The following EYS variants were observed in gnomAD, a reference collection of about 807,000 sequenced individuals.
EYS encodes the protein EGF-like photoreceptor maintenance factor, also known as protein eyes shut homolog.
In EYS, 250 loss-of-function variants were observed where a neutral mutation model predicts 282.1. The observed-to-expected ratio is 0.89, with a 90% confidence interval of 0.80 to 0.98. The LOEUF is 0.98. Ranked by LOEUF, EYS falls within the 50% of genes least tolerant of loss-of-function variation. EYS has a pLI of 0.00. For synonymous variants in EYS, 1,355 were observed against 1,282.9 expected, an observed-to-expected ratio of 1.06 and a Z score of -1.20; for missense variants, 4,016 against 3,709.0, an observed-to-expected ratio of 1.08 and a Z score of -2.15.
chr6:65,363,845 T>C (rs6921131), intron 8 of EYS, among the ~76,000 whole-genome samples: 101,403 of 150,828 alleles, frequency 0.67, 34,149 homozygotes, highest in South Asian at 0.71. Flanking sequence ...TTATAATTTT[T>C]TAATATCATT....
intron 33 of EYS, among the ~76,000 whole-genome samples, chr6:64,018,311 A>T (rs1768993438): frequency 6.6e-6 from 1 of 152,190 alleles, no homozygotes; most frequent in African/African-American, 2.4e-5. Flanking sequence ...CTCAGATTGG[A>T]TTCATAATAG....
chr6:64,830,625 A>G (rs970547752), intron 19 of EYS, among the ~76,000 whole-genome samples: 4 of 151,906 alleles, frequency 2.6e-5, no homozygotes, highest in South Asian at 4.1e-4. Context: ...CAGTACCAAG[A>G]TCAACTTTGG....
chr6:64,390,046 G>A (rs527390166), intron 28 of EYS, among the ~76,000 whole-genome samples: 17 of 151,482 alleles, frequency 1.1e-4, no homozygotes, highest in Admixed American at 5.3e-4. Flanking sequence ...ACTCCCACCC[G>A]AATACTGCGC....
chr6:65,279,231 G>A (rs1278996951), intron 12 of EYS, among the ~76,000 whole-genome samples: 7 of 151,634 alleles, frequency 4.6e-5, no homozygotes, highest in Admixed American at 2.6e-4. Context: ...TATGGTACCT[G>A]TTTACCTCAA....
chr6:64,633,129 T>C (rs1333658071), intron 22 of EYS, among the ~76,000 whole-genome samples: 2 of 152,200 alleles, frequency 1.3e-5, no homozygotes, highest in South Asian at 4.1e-4. Flanking sequence ...CTATCAATTA[T>C]GCATACAGAT....
chr6:64,183,206 T>G (rs1022784036), intron 31 of EYS, among the ~76,000 whole-genome samples: 14 of 152,294 alleles, frequency 9.2e-5, no homozygotes, highest in Non-Finnish European at 1.6e-4. Flanking sequence ...GTAAGTTTCC[T>G]GAGGCCTCCC....
chr6:64,737,164 A>T (rs867174835), intron 22 of EYS, among the ~76,000 whole-genome samples: 1 of 152,200 alleles, frequency 6.6e-6, no homozygotes, highest in African/African-American at 2.4e-5. Flanking sequence ...AAATCTTATA[A>T]TAATCCACTG....
intron 5 of EYS, among the ~76,000 whole-genome samples, chr6:65,424,122 C>T (rs899479758): frequency 1.3e-5 from 2 of 151,914 alleles, no homozygotes; most frequent in Admixed American, 6.6e-5. Context: ...ATTAACTCAG[C>T]CAAAGACTGC....
At chr6:65,347,098 C>A (rs1053138645) in intron 9 of EYS, among the ~76,000 whole-genome samples, 1 of 151,764 alleles carries the variant, frequency 6.6e-6, no homozygotes, top group Non-Finnish European at 1.5e-5. Flanking sequence ...ACGGATATTG[C>A]AAAACTATCC....
chr6:64,525,660 C>T (rs528784066), intron 26 of EYS, among the ~76,000 whole-genome samples: 1 of 151,656 alleles, frequency 6.6e-6, no homozygotes, highest in African/African-American at 2.4e-5. Flanking sequence ...CAAGTATACT[C>T]CTGAACCTAA....
Position 65,080,156 on chromosome 6 carries a change from A to T in EYS, c.2024-22429T>A, listed in dbSNP as rs796205680. Among the ~76,000 whole-genome samples the T allele has an allele frequency of 3.3e-5, 5 of 152,062 alleles. No individual in the cohort carries two copies. In the South Asian group the frequency reaches 1.0e-3, roughly 32 times the overall value. ...TTCCCTCCAAGAGAGCTGAGAAAAC[A>T]TCACTACATTCATCATTCAGAACAG... is the stretch of plus-strand genomic sequence containing the variant. On this transcript the variant is annotated intron_variant, in intron 12 of 42. Transcript: ENST00000503581.
chr6:65,264,892 T>C (rs1767711008), intron 12 of EYS, among the ~76,000 whole-genome samples: 1 of 151,710 alleles, frequency 6.6e-6, no homozygotes, highest in African/African-American at 2.4e-5. Context: ...TAGATATATC[T>C]TATTCTATTT....
At chr6:63,929,580 T>C (rs138615341) in intron 35 of EYS, among the ~76,000 whole-genome samples, 1 of 152,362 alleles carries the variant, frequency 6.6e-6, no homozygotes, top group African/African-American at 2.4e-5. Flanking sequence ...AACTACAGAC[T>C]GCACTTGTAT....
chr6:63,896,566 A>G (rs1305615544), intron 35 of EYS, among the ~76,000 whole-genome samples: 1 of 152,224 alleles, frequency 6.6e-6, no homozygotes, highest in Non-Finnish European at 1.5e-5. Context: ...ACACATTTTT[A>G]TAACTCCCAA....
Position 65,104,632 on chromosome 6 carries a change from CAT to C in EYS, c.2024-46907_2024-46906del, listed in dbSNP as rs1774983335. Among the ~76,000 whole-genome samples the C allele has an allele frequency of 2.0e-5, 3 of 151,576 alleles. No homozygotes were observed. The South Asian group carries it at 6.2e-4, about 31-fold the overall frequency. ...CAGTTCACTTCTTATCAACTCACTT[CAT>C]GTTTCTTTTCTTTCTTTCTCTCCTA... On this transcript the variant is annotated intron_variant, in intron 12 of 42. Coordinates refer to ENST00000503581, the MANE Select transcript of EYS (RefSeq NM_001142800.2).
intron 26 of EYS, among the ~76,000 whole-genome samples, chr6:64,440,398 A>G (rs1260205888): frequency 2.6e-5 from 4 of 151,850 alleles, no homozygotes; most frequent in African/African-American, 9.7e-5. Context: ...AATTTTTTTC[A>G]CTGGAAATAA....
chr6:64,362,131 T>C (rs1266906054), intron 29 of EYS, among the ~76,000 whole-genome samples: 1 of 151,810 alleles, frequency 6.6e-6, no homozygotes, highest in African/African-American at 2.4e-5. Context: ...CTCCTCATAA[T>C]TTTATAGAAA....
At chr6:64,331,006 T>C (rs1770627486) in intron 29 of EYS, among the ~76,000 whole-genome samples, 1 of 152,124 alleles carries the variant, frequency 6.6e-6, no homozygotes, top group Non-Finnish European at 1.5e-5. Flanking sequence ...GTTGAATACT[T>C]TACTGATGAA....
intron 2 of EYS, among the ~76,000 whole-genome samples, chr6:65,532,587 G>A (rs1225798714): frequency 2.0e-5 from 3 of 152,038 alleles, no homozygotes; most frequent in African/African-American, 2.4e-5. Context: ...ATTGCTTTAC[G>A]TTTAAAGGGG....
Sources: allele counts gnomAD v4.1 joint callset (sites outside exome capture counted in the v4.1 genomes callset), GRCh38; gene constraint gnomAD v4.1.1; transcripts MANE v1.5; gene names NCBI Gene and HGNC (gene_info 2026-07-23, HGNC 2026-07-21).